Variants in ACVR2B observed in about 807,000 individuals in gnomAD.
The protein encoded by ACVR2B is activin A receptor type 2B, also known as activin receptor type-2B.
A neutral mutation model predicts 65.1 loss-of-function variants in ACVR2B; 18 were observed. The ratio of observed to expected loss-of-function variants is 0.28; its 90% CI spans 0.19 to 0.41. The LOEUF (loss-of-function observed/expected upper bound fraction) is 0.41, where lower values mean the gene tolerates loss of function less well. Ranked by LOEUF, ACVR2B falls within the 10% of genes least tolerant of loss-of-function variation. The probability of loss-of-function intolerance (pLI) is 1.00; values close to 1 mark genes in which losing one functional copy is unlikely to be tolerated. For missense variants in ACVR2B, 482 were observed against 682.7 expected (o/e 0.71, Z 3.28); for synonymous variants, 298 against 277.7 (o/e 1.07, Z -0.73).
Position 38,477,361 on chromosome 3 carries a change from C to G in ACVR2B, c.127C>G (p.Gln43Glu). ...NANWELERTN[Q>E]SGLERCEGEQ... ...CAACTGGGAGCTGGAGCGCACCAACCAGAGCGGCCTGGAGCGCTGCGAAGG... is the reference window on the plus strand; with the variant it reads ...CAACTGGGAGCTGGAGCGCACCAACGAGAGCGGCCTGGAGCGCTGCGAAGG... Residue 43 changes from glutamine (Q) to glutamate (E), a missense_variant, in exon 2 of 11, where the codon CAG (glutamine) becomes GAG (glutamate). By Grantham distance (29) the Gln-to-Glu change is conservative. Around this residue, in one of 5 missense-constraint regions of ACVR2B, gnomAD observed 85 missense variants for 137.3 expected, o/e 0.62. Coordinates refer to ENST00000352511, the MANE Select transcript of ACVR2B (RefSeq NM_001106.4). This position sits in a 1 kb window ranked among gnomAD's most constrained non-coding sequence, Gnocchi z 6.7. The G allele has an allele frequency of 6.2e-7, 1 of 1,614,188 alleles. No individual in the cohort carries two copies. The highest frequency in any genetic ancestry group is 8.5e-7 in the Non-Finnish European group (1 of 1,180,022).
intron 5 of ACVR2B, among the ~76,000 whole-genome samples, chr3:38,478,794 C>T (rs1457296669): frequency 6.6e-6 from 1 of 152,102 alleles, no homozygotes; most frequent in Non-Finnish European, 1.5e-5. Flanking sequence ...TTCCAGCGGC[C>T]CTGGACACCA....
chr3:38,479,053 C>T (rs776031478), intron 5 of ACVR2B, 75 bp from the exon 6 acceptor site: 1 of 1,592,294 alleles, frequency 6.3e-7, no homozygotes, highest in Admixed American at 1.7e-5. Flanking sequence ...AATGGTTGTT[C>T]TGCTGTAGGG....
intron 1 of ACVR2B, among the ~76,000 whole-genome samples, chr3:38,466,590 G>A (rs369967181): frequency 4.2e-4 from 63 of 149,738 alleles, no homozygotes; most frequent in African/African-American, 1.4e-3. Flanking sequence ...TGCAACCTCC[G>A]CCTCCCGGGT....
chr3:38,477,889 C>A lies in ACVR2B; in HGVS notation c.289C>A (p.Pro97Thr). 1 of 1,614,048 alleles carries A rather than the reference C, an allele frequency of 6.2e-7. No homozygotes were observed. The highest frequency in any genetic ancestry group is 1.1e-5 in the South Asian group (1 of 91,086). Residue 97 changes from proline to threonine, a missense_variant, in exon 3 of 11, where the codon CCC becomes ACC. By Grantham distance (38) the Pro-to-Thr change is conservative. This residue lies in a region of ACVR2B where 85 missense variants were observed against 137.3 expected (regional missense o/e 0.62). Transcript: ENST00000352511. This position sits in a 1 kb window ranked among gnomAD's most constrained non-coding sequence, Gnocchi z 6.7. ...RQECVATEEN[P>T]QVYFCCCEGN... Reference sequence around the variant, plus strand: ...GGAGTGTGTGGCCACTGAGGAGAACCCCCAGGTGTACTTCTGCTGCTGTGA... The same window carrying A: ...GGAGTGTGTGGCCACTGAGGAGAACACCCAGGTGTACTTCTGCTGCTGTGA...
At chr3:38,464,236 T>C (rs1709694122) in intron 1 of ACVR2B, among the ~76,000 whole-genome samples, 1 of 152,204 alleles carries the variant, frequency 6.6e-6, no homozygotes, top group African/African-American at 2.4e-5. Flanking sequence ...GGAAGTTAAT[T>C]TTTTCAGGGC....
At chr3:38,467,597 A>AG (rs1441178678) in intron 1 of ACVR2B, among the ~76,000 whole-genome samples, 1 of 152,048 alleles carries the variant, frequency 6.6e-6, no homozygotes, top group African/African-American at 2.4e-5. Context: ...CAAAAAAAAA[A>AG]AAATTAGCCG....
rs1386735660 is a variant in ACVR2B, at chr3:38,483,865, T to C, written c.*533T>C. Reference sequence around the variant, plus strand: ...TCCCTCCCCTCCTTTTATTTTGTTTTAGTGAGCTTAAGAAACAGCAGATGT... The same window carrying C: ...TCCCTCCCCTCCTTTTATTTTGTTTCAGTGAGCTTAAGAAACAGCAGATGT... On this transcript the variant is annotated 3_prime_UTR_variant, in exon 11 of 11. Coordinates refer to ENST00000352511, the MANE Select transcript of ACVR2B (RefSeq NM_001106.4). This position sits in a 1 kb window ranked among gnomAD's most constrained non-coding sequence, Gnocchi z 4.8. 5.9e-5 allele frequency: 9 copies of C among 153,660 alleles called. No homozygotes were observed. 9.5% of individuals were successfully genotyped at this position (153,660 alleles called of 1,614,324 possible). A position where few individuals can be genotyped will look rare whatever the true frequency, so the allele number is the denominator to read the frequency against.
chr3:38,457,178 T>G (rs1347158917), intron 1 of ACVR2B, among the ~76,000 whole-genome samples: 1 of 151,494 alleles, frequency 6.6e-6, no homozygotes, highest in Non-Finnish European at 1.5e-5. Context: ...CACTGCAGCC[T>G]GGTGACAGAG....
chr3:38,477,489 C>T lies in ACVR2B; in HGVS notation c.255C>T (p.Tyr85=), dbSNP rs745831317. ...KGCWLDDFNC[Y]DRQECVATEE... ...GCTGGCTAGATGACTTCAACTGCTA[C>T]GATAGGTACCCCAAGACTTGCCCTC... Residue 85 remains tyrosine (Y), a synonymous_variant, in exon 2 of 11, where the codon TAC becomes TAT. Coordinates refer to ENST00000352511, the MANE Select transcript of ACVR2B (RefSeq NM_001106.4). The surrounding 1 kb of genome is among the most constrained non-coding windows in gnomAD (Gnocchi z 6.7). The T allele has an allele frequency of 1.8e-5, 29 of 1,613,794 alleles. No individual in the cohort carries two copies. In the South Asian group the frequency reaches 2.2e-4, roughly 12 times the overall value.
rs1395198314 is a variant in ACVR2B at position 38,491,679 on chromosome 3, T to C, written c.*8347T>C. The C allele has an allele frequency of 6.6e-6, 1 of 152,198 alleles. No individual in the cohort carries two copies. The highest frequency in any genetic ancestry group is 1.5e-5 in the Non-Finnish European group (1 of 68,026). The allele number at this position is 152,198 out of a possible 1,614,324, so 9.4% of individuals were successfully genotyped here. A position where few individuals can be genotyped will look rare whatever the true frequency, so the allele number is the denominator to read the frequency against. Reference sequence around the variant, plus strand: ...AAGGCCGACTGGGAGCAAGTGATTATTAGAGATTCTTCAGGAGACCTCATC... The same window carrying C: ...AAGGCCGACTGGGAGCAAGTGATTACTAGAGATTCTTCAGGAGACCTCATC... On this transcript the variant is annotated 3_prime_UTR_variant, in exon 11 of 11. Transcript: ENST00000352511.
chr3:38,464,575 A>AT (rs35702867), intron 1 of ACVR2B, among the ~76,000 whole-genome samples: 64,419 of 152,020 alleles, frequency 0.42, 15,919 homozygotes, highest in Non-Finnish European at 0.57. Flanking sequence ...TGATTTTGGT[A>AT]TTTGAGTCTG....
intron 1 of ACVR2B, chr3:38,459,511 C>T: frequency 1.2e-6 from 1 of 857,062 alleles, no homozygotes; most frequent in Non-Finnish European, 1.4e-6. Flanking sequence ...CACCTGGGGG[C>T]CTCAGGAGCT....
At chr3:38,469,239 AGTAAG>A (rs1458266609) in intron 1 of ACVR2B, among the ~76,000 whole-genome samples, 1 of 152,256 alleles carries the variant, frequency 6.6e-6, no homozygotes, top group Non-Finnish European at 1.5e-5. Context: ...ATGTATAAGA[AGTAAG>A]GGAAAAACAA....
chr3:38,465,211 A>C (rs1412183968), intron 1 of ACVR2B, among the ~76,000 whole-genome samples: 1 of 152,078 alleles, frequency 6.6e-6, no homozygotes, highest in Admixed American at 6.5e-5. Flanking sequence ...AACCTGGCCA[A>C]CATGGTGAAA....
intron 1 of ACVR2B, among the ~76,000 whole-genome samples, chr3:38,455,430 T>C (rs1433778907): frequency 6.6e-6 from 1 of 152,042 alleles, no homozygotes; most frequent in Non-Finnish European, 1.5e-5. Context: ...CCCGCCGCCC[T>C]CGGTGGCAGC....
chr3:38,482,703 G>C lies in ACVR2B; in HGVS notation c.1344+143G>C, dbSNP rs73065216. 0.24 allele frequency: 288,560 copies of C among 1,220,456 alleles called. 34,519 individuals carry two copies. The highest frequency in any genetic ancestry group is 0.3 in the East Asian group (11,807 of 39,114). 75.6% of individuals were successfully genotyped at this position (1,220,456 alleles called of 1,614,324 possible). ...TGGACTCTAGGGATGTGTTCCAGGG[G>C]TTATGGGGAGTGAGGTAGGATGATG... On this transcript the variant is annotated intron_variant, in intron 10 of 10. Coordinates refer to ENST00000352511, the MANE Select transcript of ACVR2B (RefSeq NM_001106.4).
In ACVR2B at chr3:38,479,716, A is replaced by G. The variant is rs766644651; in HGVS notation, c.849A>G (p.Thr283=). Residue 283 remains threonine (T), a synonymous_variant, in exon 7 of 11, where the codon ACA becomes ACG. Transcript: ENST00000352511. ...ATTACCTCAAGGGGAACATCATCAC[A>G]TGGAACGAACTGTGTCATGTAGCAG... ...LTDYLKGNII[T]WNELCHVAET... 18 of 1,614,162 alleles carry G rather than the reference A, an allele frequency of 1.1e-5. No homozygotes were observed. The highest frequency in any genetic ancestry group is 1.5e-5 in the Non-Finnish European group (18 of 1,180,016).
chr3:38,463,054 A>G (rs575103471), intron 1 of ACVR2B, among the ~76,000 whole-genome samples: 1 of 152,222 alleles, frequency 6.6e-6, no homozygotes, highest in South Asian at 2.1e-4. Flanking sequence ...GGAAGGGCTC[A>G]CTTCCACTGG....
chr3:38,463,588 G>C (rs1464691464), intron 1 of ACVR2B, among the ~76,000 whole-genome samples: 2 of 152,126 alleles, frequency 1.3e-5, no homozygotes, highest in Admixed American at 6.5e-5. Context: ...TTGTTCTTCA[G>C]CTTGCTGCCT....
Sources: allele counts gnomAD v4.1 joint callset (sites outside exome capture counted in the v4.1 genomes callset), GRCh38; gene constraint gnomAD v4.1.1; regional missense constraint gnomAD v4.1.1; non-coding constraint Gnocchi (gnomAD v3.1); transcripts MANE v1.5; gene names NCBI Gene and HGNC (gene_info 2026-07-23, HGNC 2026-07-21).